Variants in KCNIP4 observed in about 807,000 individuals in gnomAD.
KCNIP4 encodes Kv channel-interacting protein 4.
KCNIP4 carries 12 observed loss-of-function variants against 34.0 expected under a neutral mutation model. The ratio of observed to expected loss-of-function variants is 0.35; its 90% CI spans 0.23 to 0.57. The LOEUF (loss-of-function observed/expected upper bound fraction) is 0.57, where lower values mean the gene tolerates loss of function less well. KCNIP4 is among the 20% of genes least tolerant of loss of function. KCNIP4 has a pLI of 0.83. For missense variants in KCNIP4, 238 were observed against 311.7 expected (o/e 0.76, Z 1.78); for synonymous variants, 124 against 102.2 (o/e 1.21, Z -1.29).
At chr4:21,835,901 AT>A (rs1311250289) in intron 1 of KCNIP4, among the ~76,000 whole-genome samples, 4 of 152,232 alleles carry the variant, frequency 2.6e-5, no homozygotes, top group Admixed American at 6.5e-5. Context: ...CCTAAAAAAA[AT>A]ATTTAGCAAA....
At chr4:21,384,624 A>C (rs1390264) in intron 1 of KCNIP4, among the ~76,000 whole-genome samples, 128,154 of 152,230 alleles carry the variant, frequency 0.84, 54,309 homozygotes, top group Non-Finnish European at 0.89. Context: ...TTGAACATTT[A>C]CCGTGTGCTC....
intron 1 of KCNIP4, among the ~76,000 whole-genome samples, chr4:21,614,087 G>A (rs1234749607): frequency 6.6e-6 from 1 of 151,496 alleles, no homozygotes; most frequent in Non-Finnish European, 1.5e-5. Flanking sequence ...GGAGGTTGCA[G>A]TGAGCCGAGA....
intron 1 of KCNIP4, among the ~76,000 whole-genome samples, chr4:21,112,248 T>C (rs6846038): frequency 0.29 from 43,399 of 151,988 alleles, 6,916 homozygotes; most frequent in Non-Finnish European, 0.37. Context: ...TTTTTAAGGA[T>C]CTATCTTCAG....
chr4:21,126,027 C>A (rs1750586674), intron 1 of KCNIP4, among the ~76,000 whole-genome samples: 1 of 152,132 alleles, frequency 6.6e-6, no homozygotes, highest in East Asian at 1.9e-4. Context: ...TAGCAGTGAA[C>A]ATGGGGCTTG....
At chr4:21,690,150 C>T (rs528922711) in intron 1 of KCNIP4, among the ~76,000 whole-genome samples, 44 of 141,392 alleles carry the variant, frequency 3.1e-4, no homozygotes, top group African/African-American at 1.1e-3. Context: ...TATATATATA[C>T]ACACACACAT....
At chr4:21,931,332 T>C (rs933044482) in intron 1 of KCNIP4, among the ~76,000 whole-genome samples, 3 of 151,594 alleles carry the variant, frequency 2.0e-5, no homozygotes, top group Admixed American at 6.6e-5. Flanking sequence ...GTTTGTTACA[T>C]ATGTATACAT....
intron 1 of KCNIP4, among the ~76,000 whole-genome samples, chr4:21,660,669 G>A (rs574205917): frequency 1.4e-4 from 22 of 152,246 alleles, no homozygotes; most frequent in African/African-American, 4.8e-4. Flanking sequence ...AGGTTAGAGT[G>A]GGCTCATGAG....
chr4:21,717,450 C>T (rs1056925266), intron 1 of KCNIP4, among the ~76,000 whole-genome samples: 2 of 152,078 alleles, frequency 1.3e-5, no homozygotes, highest in Non-Finnish European at 2.9e-5. Flanking sequence ...ATCAAATGCA[C>T]TTGGATTTAG....
intron 1 of KCNIP4, among the ~76,000 whole-genome samples, chr4:21,647,069 A>G (rs1577751087): frequency 6.6e-6 from 1 of 152,118 alleles, no homozygotes; most frequent in African/African-American, 2.4e-5. Flanking sequence ...CCAGAATCCT[A>G]AAGTATTCTA....
intron 1 of KCNIP4, among the ~76,000 whole-genome samples, chr4:21,334,684 C>G (rs1264280713): frequency 2.0e-5 from 3 of 152,034 alleles, no homozygotes; most frequent in Non-Finnish European, 4.4e-5. Context: ...TTCACACCCC[C>G]ACCCCAGGCA....
intron 1 of KCNIP4, among the ~76,000 whole-genome samples, chr4:21,238,776 T>A (rs1476887262): frequency 3.9e-5 from 6 of 152,118 alleles, no homozygotes; most frequent in Admixed American, 2.0e-4. Context: ...GTAGGAAGAA[T>A]CAATATCATG....
At chr4:20,871,565 T>C (rs1429653202) in intron 2 of KCNIP4, among the ~76,000 whole-genome samples, 1 of 152,126 alleles carries the variant, frequency 6.6e-6, no homozygotes, top group East Asian at 1.9e-4. Context: ...GAATTACTTT[T>C]CCTGTGGGTT....
chr4:21,683,789 AAC>A (rs1280224311), intron 1 of KCNIP4, among the ~76,000 whole-genome samples: 1 of 152,132 alleles, frequency 6.6e-6, no homozygotes, highest in Non-Finnish European at 1.5e-5. Context: ...CGTTTGTGGG[AAC>A]ACAGATGAAG....
intron 1 of KCNIP4, among the ~76,000 whole-genome samples, chr4:21,333,310 C>G (rs1210287803): frequency 1.3e-5 from 2 of 151,518 alleles, no homozygotes; most frequent in Non-Finnish European, 2.9e-5. Context: ...CCCCCAGGGA[C>G]CAGTATGGAG....
chr4:21,115,730 G>A (rs1382561423), intron 1 of KCNIP4, among the ~76,000 whole-genome samples: 1 of 152,064 alleles, frequency 6.6e-6, no homozygotes, highest in East Asian at 1.9e-4. Flanking sequence ...AAAAAGAAAA[G>A]CAAACCTTAG....
At chr4:21,290,586 C>G (rs1340959754) in intron 1 of KCNIP4, among the ~76,000 whole-genome samples, 2 of 152,128 alleles carry the variant, frequency 1.3e-5, no homozygotes, top group Non-Finnish European at 2.9e-5. Context: ...CTTTTCAACA[C>G]AGTTGTATTT....
At chr4:20,910,862 A>G (rs1728263198) in intron 1 of KCNIP4, among the ~76,000 whole-genome samples, 2 of 152,258 alleles carry the variant, frequency 1.3e-5, no homozygotes, top group South Asian at 4.1e-4. Context: ...TGAGTGTGAC[A>G]CAGCTCCTAG....
At chr4:20,896,333 T>C (rs898163224) in intron 1 of KCNIP4, among the ~76,000 whole-genome samples, 6 of 152,240 alleles carry the variant, frequency 3.9e-5, no homozygotes, top group Admixed American at 3.9e-4. Context: ...ACATTGTAAC[T>C]GGTTTGAATT....
chr4:21,343,698 C>A (rs925549023), intron 1 of KCNIP4, among the ~76,000 whole-genome samples: 38 of 152,038 alleles, frequency 2.5e-4, no homozygotes, highest in African/African-American at 9.2e-4. Context: ...TCTAACTTCA[C>A]CCCCAGAAAG....
Sources: allele counts gnomAD v4.1 joint callset (sites outside exome capture counted in the v4.1 genomes callset), GRCh38; gene constraint gnomAD v4.1.1; transcripts MANE v1.5; gene names NCBI Gene and HGNC (gene_info 2026-07-23, HGNC 2026-07-21).